Variants in SOX6 observed in about 807,000 individuals in gnomAD.
The protein encoded by SOX6 is SRY-box transcription factor 6.
In SOX6, 11 loss-of-function variants were observed where a neutral mutation model predicts 97.8. The observed-to-expected ratio is 0.11, with a 90% CI of 0.07 to 0.19. The LOEUF is 0.19. Ranked by LOEUF, SOX6 falls within the 10% of genes least tolerant of loss-of-function variation. SOX6 has a pLI of 1.00. For missense variants in SOX6, 810 were observed against 1,039.5 expected, an observed-to-expected ratio of 0.78 and a Z score of 3.04; for synonymous variants, 360 against 371.4, an observed-to-expected ratio of 0.97 and a Z score of 0.35.
At chr11:16,058,217 T>C (rs569382137) in intron 9 of SOX6, among the ~76,000 whole-genome samples, 1 of 152,260 alleles carries the variant, frequency 6.6e-6, no homozygotes, top group African/African-American at 2.4e-5. Context: ...TCTGAATGTT[T>C]TAAAGTTTCT....
intron 3 of SOX6, among the ~76,000 whole-genome samples, chr11:16,309,710 A>C (rs1457139124): frequency 6.6e-6 from 1 of 152,102 alleles, no homozygotes; most frequent in Admixed American, 6.6e-5. Context: ...TACATTTACC[A>C]CTTCCTTTTC....
intron 1 of SOX6, chr11:16,465,583 A>G (rs1860014879): frequency 1.3e-5 from 2 of 152,316 alleles, no homozygotes; most frequent in South Asian, 4.1e-4. Flanking sequence ...GAAAGAATCT[A>G]TATTCTGCCC....
chr11:16,160,202 T>A (rs1027193119), intron 6 of SOX6, among the ~76,000 whole-genome samples: 2 of 152,020 alleles, frequency 1.3e-5, no homozygotes. Context: ...GAGGAAGAAA[T>A]TGAACTATAG....
chr11:16,057,563 T>C (rs2133923486), intron 9 of SOX6, among the ~76,000 whole-genome samples: 1 of 152,308 alleles, frequency 6.6e-6, no homozygotes, highest in African/African-American at 2.4e-5. Context: ...AATTTATTCC[T>C]CAGGCCTACC....
At chr11:16,404,776 TC>T (rs772876679) in intron 1 of SOX6, among the ~76,000 whole-genome samples, 2 of 151,986 alleles carry the variant, frequency 1.3e-5, no homozygotes, top group Non-Finnish European at 2.9e-5. Context: ...CATTGGTAAA[TC>T]CCGTTATTTT....
chr11:16,383,366 G>C lies in SOX6; in HGVS notation c.-4-42114C>G, dbSNP rs528672156. ...AAGCTTATTTAGTTTTCTTAAAGGA[G>C]AATTCCTCAGCTCAGAATCTATTTA... On this transcript the variant is annotated intron_variant, in intron 1 of 15. Transcript: ENST00000396356. Among the ~76,000 whole-genome samples the C allele has an allele frequency of 2.0e-4, 31 of 152,022 alleles. No homozygotes were observed. In the South Asian group the frequency reaches 6.4e-3, roughly 32 times the overall value.
chr11:16,053,434 C>T (rs748149764), intron 10 of SOX6, among the ~76,000 whole-genome samples: 9 of 152,146 alleles, frequency 5.9e-5, no homozygotes, highest in Non-Finnish European at 1.3e-4. Context: ...AAAACCACCA[C>T]ACCATCTTCT....
chr11:16,353,706 T>C (rs1857006612), intron 1 of SOX6, among the ~76,000 whole-genome samples: 2 of 152,034 alleles, frequency 1.3e-5, no homozygotes, highest in African/African-American at 4.8e-5. Flanking sequence ...GTTTGAGTTA[T>C]CATTATAAAA....
At chr11:16,360,729 C>T (rs1465038703), upstream of SOX6, among the ~76,000 whole-genome samples, 1 of 152,156 alleles carries the variant, frequency 6.6e-6, no homozygotes, top group African/African-American at 2.4e-5. Flanking sequence ...TTTGGCCAGG[C>T]ACAGTGGCTC....
At chr11:16,307,483 T>C (rs899410225) in intron 3 of SOX6, among the ~76,000 whole-genome samples, 1 of 152,142 alleles carries the variant, frequency 6.6e-6, no homozygotes, top group African/African-American at 2.4e-5. Flanking sequence ...AGAAAAATAG[T>C]TCCAAAACAT....
intron 3 of SOX6, among the ~76,000 whole-genome samples, chr11:16,290,063 T>C (rs1854865889): frequency 6.6e-6 from 1 of 152,054 alleles, no homozygotes; most frequent in African/African-American, 2.4e-5. Flanking sequence ...TCAACTGCCA[T>C]ATTCACTGTA....
At chr11:16,083,844 T>G (rs10766295) in intron 9 of SOX6, among the ~76,000 whole-genome samples, 1 of 151,992 alleles carries the variant, frequency 6.6e-6, no homozygotes, top group Non-Finnish European at 1.5e-5. Context: ...TCCCATTTGA[T>G]AAAAGCTAGG....
At chr11:16,516,156 G>A (rs1318044255) in intron 4 of SOX6, among the ~76,000 whole-genome samples, 9 of 149,446 alleles carry the variant, frequency 6.0e-5, no homozygotes, top group East Asian at 6.0e-4. Flanking sequence ...CCATTTTCAT[G>A]ATATTGATTC....
At chr11:16,105,898 T>C (rs1188915564) in intron 7 of SOX6, among the ~76,000 whole-genome samples, 5 of 152,128 alleles carry the variant, frequency 3.3e-5, no homozygotes, top group Admixed American at 6.6e-5. Context: ...GCTGTGTTTC[T>C]AAACATCAGC....
At chr11:16,102,553 T>A (rs1848975340) in intron 7 of SOX6, among the ~76,000 whole-genome samples, 1 of 151,480 alleles carries the variant, frequency 6.6e-6, no homozygotes, top group African/African-American at 2.4e-5. Flanking sequence ...GAAACCAAAA[T>A]GAGCCTGCAT....
At chr11:16,490,411 G>C (rs1298943499) in intron 4 of SOX6, among the ~76,000 whole-genome samples, 1 of 151,824 alleles carries the variant, frequency 6.6e-6, no homozygotes, top group Non-Finnish European at 1.5e-5. Context: ...TCACTATTTT[G>C]CAAAGTGTGT....
intron 3 of SOX6, among the ~76,000 whole-genome samples, chr11:16,274,031 T>C (rs986959508): frequency 2.6e-5 from 4 of 152,118 alleles, no homozygotes; most frequent in Admixed American, 6.6e-5. Context: ...AGTAGAGATT[T>C]GGGAGAAAGT....
At chr11:16,340,490 G>A (rs528153697) in intron 2 of SOX6, among the ~76,000 whole-genome samples, 14 of 152,104 alleles carry the variant, frequency 9.2e-5, no homozygotes, top group South Asian at 2.1e-4. Context: ...TTATTCTCAC[G>A]AGGTTTGCAT....
chr11:16,364,545 T>A (rs1857299056), intron 1 of SOX6, among the ~76,000 whole-genome samples: 1 of 152,136 alleles, frequency 6.6e-6, no homozygotes, highest in Admixed American at 6.6e-5. Context: ...TTGGGCAAAA[T>A]CACTTATCTT....
Sources: gnomAD v4.1 joint callset for allele counts (sites outside exome capture counted in the v4.1 genomes callset) on GRCh38, gnomAD v4.1.1 for gene constraint, MANE v1.5 for transcripts, NCBI Gene and HGNC (gene_info 2026-07-23, HGNC 2026-07-21) for gene names.